Variants in RIOK3 observed in about 807,000 individuals in gnomAD.
The protein encoded by RIOK3 is serine/threonine-protein kinase RIO3.
In RIOK3, 40 loss-of-function variants were observed where a neutral mutation model predicts 63.5. That is an observed-to-expected ratio of 0.63 (90% CI 0.49 to 0.82). The LOEUF (loss-of-function observed/expected upper bound fraction) is 0.82, where lower values mean the gene tolerates loss of function less well. Among genes scored for constraint, RIOK3 ranks in the 40% least tolerant of loss-of-function variants. The pLI is 0.00. For missense variants in RIOK3, 557 were observed against 637.0 expected (o/e 0.87, Z 1.35); for synonymous variants, 193 against 205.0 (o/e 0.94, Z 0.50).
At position 23,466,729 on chromosome 18, in the gene RIOK3, G is replaced by A. The variant is rs114933046; in HGVS notation, c.687+453G>A. On this transcript the variant is annotated intron_variant, in intron 6 of 12. Transcript: ENST00000339486. ...AAAAAAAAATGTAAATAAGCCAGGT[G>A]AGGTGGCTCCCAGCACCTTGGGAAG... Among the ~76,000 whole-genome samples the A allele has an allele frequency of 4.6e-3, 697 of 151,084 alleles. 3 individuals carry two copies. The highest frequency in any genetic ancestry group is 0.016 in the African/African-American group (641 of 41,158).
At chr18:23,479,201 G>A (rs889683600) in intron 11 of RIOK3, 116 bp from the exon 12 acceptor site, 5 of 631,376 alleles carry the variant, frequency 7.9e-6, no homozygotes, top group Non-Finnish European at 1.5e-5. Context: ...GTGTGTGTGT[G>A]CGTGTGCACA....
intron 12 of RIOK3, among the ~76,000 whole-genome samples, chr18:23,480,551 GCACGCACA>G (rs1301211663): frequency 6.0e-4 from 28 of 46,876 alleles, no homozygotes; most frequent in African/African-American, 2.1e-3. Flanking sequence ...ATACTTGGAT[GCACGCACA>G]CACACACACA....
chr18:23,469,596 T>C (rs2057442336), intron 7 of RIOK3, among the ~76,000 whole-genome samples: 2 of 151,458 alleles, frequency 1.3e-5, no homozygotes, highest in South Asian at 4.2e-4. Context: ...CAAGTGATTC[T>C]CCTGCCTCAG....
At chr18:23,468,487 G>A (rs1488974856) in intron 7 of RIOK3, among the ~76,000 whole-genome samples, 1 of 151,742 alleles carries the variant, frequency 6.6e-6, no homozygotes, top group Non-Finnish European at 1.5e-5. Flanking sequence ...GTTTTTAGTA[G>A]AGATGGGCTT....
chr18:23,480,721 A>G (rs144300808), intron 12 of RIOK3, among the ~76,000 whole-genome samples: 3 of 152,280 alleles, frequency 2.0e-5, no homozygotes, highest in African/African-American at 7.2e-5. Flanking sequence ...TGGGAGGCCA[A>G]GGAGGGAGGA....
intron 7 of RIOK3, 26 bp from the exon 8 acceptor site, chr18:23,473,403 G>T: frequency 1.3e-6 from 2 of 1,506,648 alleles, no homozygotes; most frequent in South Asian, 1.2e-5. Flanking sequence ...AACTTGTACT[G>T]ACTTGATTTT....
At chr18:23,464,806 C>T (rs1004331003) in intron 5 of RIOK3, among the ~76,000 whole-genome samples, 178 bp downstream of exon 5, 7 of 152,032 alleles carry the variant, frequency 4.6e-5, no homozygotes, top group African/African-American at 1.7e-4. Flanking sequence ...TATAAAGTAC[C>T]TCAGAATAAA....
intron 9 of RIOK3, among the ~76,000 whole-genome samples, chr18:23,476,434 T>C (rs2057491477): frequency 6.6e-6 from 1 of 152,190 alleles, no homozygotes; most frequent in Middle Eastern, 3.2e-3. Flanking sequence ...AAGATATAGC[T>C]AGAAAGGTGA....
At chr18:23,478,307 G>A (rs1054475246) in intron 11 of RIOK3, among the ~76,000 whole-genome samples, 3 of 151,890 alleles carry the variant, frequency 2.0e-5, no homozygotes. Flanking sequence ...GGTGATTCAC[G>A]CTTACAATCT....
chr18:23,460,657 T>G (rs1355367183), intron 1 of RIOK3, among the ~76,000 whole-genome samples: 2 of 151,980 alleles, frequency 1.3e-5, no homozygotes, highest in African/African-American at 4.8e-5. Context: ...GAATTCTGAG[T>G]TAGACAGTCA....
chr18:23,480,555 G>GCACACACACACACACACACACACACA (rs59552026), intron 12 of RIOK3, among the ~76,000 whole-genome samples: 8 of 141,988 alleles, frequency 5.6e-5, no homozygotes, highest in South Asian at 2.3e-4. Context: ...TTGGATGCAC[G>GCACACACACACACACACACACACACA]CACACACACA....
At chr18:23,481,063 G>C in intron 12 of RIOK3, 109 bp from the exon 13 acceptor site, 1 of 728,328 alleles carries the variant, frequency 1.4e-6, no homozygotes, top group Non-Finnish European at 2.3e-6. Flanking sequence ...CTGGACGACA[G>C]AGTGAGACTC....
At chr18:23,479,200 T>TGC (rs1431663930) in intron 11 of RIOK3, 117 bp from the exon 12 acceptor site, 4 of 628,576 alleles carry the variant, frequency 6.4e-6, no homozygotes, top group East Asian at 2.8e-5. Context: ...TGTGTGTGTG[T>TGC]GCGTGTGCAC....
rs1201386139 is a variant in RIOK3, at chr18:23,479,424, G to GCA, written c.1452_1452+1insCA (p.Ile485GlnfsTer2). On this transcript the variant is annotated frameshift_variant and splice_region_variant. Coordinates refer to ENST00000339486, the MANE Select transcript of RIOK3 (RefSeq NM_003831.5). LOFTEE classifies it high-confidence loss of function. ...ATAATGAAGCTGATTTTTTAGCTGA[G>GCA]GTATGTGATAAACAGCTGTTTTTCA... is the stretch of plus-strand genomic sequence containing the variant. 6.2e-7 allele frequency: 1 copy of GCA among 1,600,030 alleles called. No homozygotes were observed. The highest frequency in any genetic ancestry group is 1.3e-5 in the African/African-American group (1 of 74,656).
At chr18:23,464,669 G>GT in intron 5 of RIOK3, 41 bp downstream of exon 5, 1 of 1,187,900 alleles carries the variant, frequency 8.4e-7, no homozygotes, top group Non-Finnish European at 1.2e-6. Flanking sequence ...TTAGAGTTTT[G>GT]TTTGAATACC....
chr18:23,474,675 C>G (rs1433088097), intron 8 of RIOK3, among the ~76,000 whole-genome samples: 2 of 152,200 alleles, frequency 1.3e-5, no homozygotes, highest in Non-Finnish European at 2.9e-5. Context: ...CCTACCTCTT[C>G]TTCTAATAAG....
At chr18:23,475,279 G>A (rs368284895) in intron 9 of RIOK3, among the ~76,000 whole-genome samples, 172 bp downstream of exon 9, 1 of 151,944 alleles carries the variant, frequency 6.6e-6, no homozygotes, top group African/African-American at 2.4e-5. Flanking sequence ...GACCAGCCTG[G>A]GCAACATGGT....
chr18:23,469,519 GCT>G (rs1466223657), intron 7 of RIOK3, among the ~76,000 whole-genome samples: 1 of 128,882 alleles, frequency 7.8e-6, no homozygotes, highest in East Asian at 2.2e-4. Context: ...ATGGAGTCTT[GCT>G]CTGTCACCCA....
In RIOK3 at chr18:23,453,294, G is replaced by T. The variant is rs1421017394; in HGVS notation, c.-146G>T. On this transcript the variant is annotated 5_prime_UTR_variant, in exon 1 of 13. Coordinates refer to ENST00000339486, the MANE Select transcript of RIOK3 (RefSeq NM_003831.5). ...GCGGAAGAGGAGAGATCCAGTTCCG[G>T]ACGCGGCCGCCGCCGTCGCCGCCAT... is the stretch of plus-strand genomic sequence containing the variant. 2 of 695,280 alleles carry T rather than the reference G, an allele frequency of 2.9e-6. No homozygotes were observed. Among genetic ancestry groups the T allele is most frequent in the East Asian group, 2.5e-5 (1 of 39,538 alleles). The allele number at this position is 695,280 out of a possible 1,614,324, so 43.1% of individuals were successfully genotyped here.
Sources: gnomAD v4.1 joint callset for allele counts (sites outside exome capture counted in the v4.1 genomes callset) on GRCh38, gnomAD v4.1.1 for gene constraint, MANE v1.5 for transcripts, NCBI Gene and HGNC (gene_info 2026-07-23, HGNC 2026-07-21) for gene names.